Variants in DLC1 observed in about 807,000 individuals in gnomAD.
DLC1 encodes rho GTPase-activating protein 7.
A neutral mutation model predicts 140.3 loss-of-function variants in DLC1; 54 were observed. The ratio of observed to expected loss-of-function variants is 0.38; its 90% CI spans 0.31 to 0.48. DLC1 has a LOEUF of 0.48. Among genes scored for constraint, DLC1 ranks in the 20% least tolerant of loss-of-function variants. The probability of loss-of-function intolerance (pLI) is 0.96; values close to 1 mark genes in which losing one functional copy is unlikely to be tolerated. For synonymous variants in DLC1, 986 were observed against 728.1 expected, an observed-to-expected ratio of 1.35 and a Z score of -5.70; for missense variants, 2,536 against 1,907.0, an observed-to-expected ratio of 1.33 and a Z score of -6.14.
chr8:13,414,272 T>A (rs969561993), intron 2 of DLC1, among the ~76,000 whole-genome samples: 27 of 152,228 alleles, frequency 1.8e-4, no homozygotes, highest in African/African-American at 6.5e-4. Flanking sequence ...TATGAAAAGA[T>A]GCCCATATAT....
chr8:13,161,250 G>A (rs7016467), intron 5 of DLC1, among the ~76,000 whole-genome samples: 1 of 152,040 alleles, frequency 6.6e-6, no homozygotes, highest in African/African-American at 2.4e-5. Flanking sequence ...AGCATAGTAA[G>A]TGCGACCACA....
chr8:13,547,619 C>T (rs1803697115), intron 1 of DLC1, among the ~76,000 whole-genome samples: 1 of 152,062 alleles, frequency 6.6e-6, no homozygotes, highest in Non-Finnish European at 1.5e-5. Context: ...GCAGCAGAGA[C>T]AAACACAGTT....
chr8:13,529,400 A>T (rs1031975), intron 1 of DLC1, among the ~76,000 whole-genome samples: 55 of 152,274 alleles, frequency 3.6e-4, no homozygotes, highest in African/African-American at 1.3e-3. Flanking sequence ...TCATTTCAAC[A>T]TTTTCCCCCA....
intron 2 of DLC1, among the ~76,000 whole-genome samples, chr8:13,464,904 T>C (rs1380240214): frequency 6.6e-6 from 1 of 151,830 alleles, no homozygotes. Flanking sequence ...TACTACTATT[T>C]ATATCAATAT....
chr8:13,515,098 A>G (rs1159443685), upstream of DLC1, among the ~76,000 whole-genome samples: 1 of 152,128 alleles, frequency 6.6e-6, no homozygotes, highest in Non-Finnish European at 1.5e-5. Context: ...CTGCTTATGA[A>G]AAAAGAAAGA....
At position 13,487,070 on chromosome 8, in the gene DLC1, C is replaced by G. The variant is rs547260302; in HGVS notation, c.1023+11979G>C. Among the ~76,000 whole-genome samples, 18 of 152,256 alleles carry G rather than the reference C, an allele frequency of 1.2e-4. 1 individual carries two copies. Among genetic ancestry groups the G allele is most frequent in the African/African-American group, 3.6e-4 (15 of 41,564 alleles). Reference sequence around the variant, plus strand: ...CTGCTGCGGTTTCCTTTTGGAAGTCCTTTGGAAATGTGGAATCAGAGCACA... The same window carrying G: ...CTGCTGCGGTTTCCTTTTGGAAGTCGTTTGGAAATGTGGAATCAGAGCACA... On this transcript the variant is annotated intron_variant, in intron 2 of 17. Transcript: ENST00000276297.
rs1265823414 is a variant in DLC1, at chr8:13,325,613, A to G, written c.1315-20311T>C. On this transcript the variant is annotated intron_variant, in intron 4 of 17. Coordinates refer to ENST00000276297, the MANE Select transcript of DLC1 (RefSeq NM_182643.3). ...GTCCAAGAACAAGTCTCAGTCAACCATGGGTCTTTCATGTAAAGACCAACC... is the reference window on the plus strand; with the variant it reads ...GTCCAAGAACAAGTCTCAGTCAACCGTGGGTCTTTCATGTAAAGACCAACC... 2.0e-5 allele frequency among the ~76,000 whole-genome samples: 3 copies of G among 152,206 alleles called. No individual in the cohort carries two copies. In the East Asian group the frequency reaches 5.8e-4, roughly 29 times the overall value.
rs537063100 is a variant in DLC1, at chr8:13,534,721, A to T, written c.-125-34525T>A. On this transcript the variant is annotated intron_variant, in intron 1 of 1. Transcript: ENST00000631382. ...CCAGAGCCAGCTGCTGTCAATTCTG[A>T]AGCCACTACCTTCTGAGTAGCTGAA... 9.9e-4 allele frequency among the ~76,000 whole-genome samples: 151 copies of T among 152,302 alleles called. 1 individual carries two copies. Among genetic ancestry groups the T allele is most frequent in the South Asian group, 3.7e-3 (18 of 4,824 alleles).
intron 2 of DLC1, among the ~76,000 whole-genome samples, chr8:13,489,653 A>G (rs1221502874): frequency 6.6e-6 from 1 of 152,054 alleles, no homozygotes; most frequent in East Asian, 1.9e-4. Flanking sequence ...TGAGGGAAGC[A>G]GGACTGAAAC....
intron 4 of DLC1, among the ~76,000 whole-genome samples, chr8:13,361,758 A>G (rs1305850502): frequency 1.3e-5 from 2 of 152,184 alleles, no homozygotes; most frequent in African/African-American, 4.8e-5. Context: ...TAGGGTAAGA[A>G]AAAGTAGAAT....
chr8:13,353,993 T>C (rs1297889431), intron 4 of DLC1, among the ~76,000 whole-genome samples: 1 of 152,194 alleles, frequency 6.6e-6, no homozygotes, highest in Non-Finnish European at 1.5e-5. Flanking sequence ...GTCCACTGAC[T>C]TTCTTCACAT....
chr8:13,487,642 C>T (rs988985608), intron 2 of DLC1, among the ~76,000 whole-genome samples: 9 of 149,980 alleles, frequency 6.0e-5, no homozygotes, highest in Non-Finnish European at 1.0e-4. Context: ...GGCGTGAGTT[C>T]GGCTCACTGC....
chr8:13,276,056 A>G (rs1419072595), intron 5 of DLC1, among the ~76,000 whole-genome samples: 2 of 152,234 alleles, frequency 1.3e-5, no homozygotes, highest in Non-Finnish European at 2.9e-5. Context: ...GCGGCGTTAC[A>G]CAAAACAAAC....
intron 1 of DLC1, among the ~76,000 whole-genome samples, chr8:13,547,457 G>A (rs1184082627): frequency 2.0e-5 from 3 of 152,078 alleles, no homozygotes; most frequent in Admixed American, 6.6e-5. Flanking sequence ...ACCCAACACA[G>A]TCTATAACCA....
intron 1 of DLC1, among the ~76,000 whole-genome samples, chr8:13,600,199 C>G (rs781493125): frequency 6.6e-6 from 1 of 151,862 alleles, no homozygotes; most frequent in African/African-American, 2.4e-5. Flanking sequence ...TTGATTTAAG[C>G]TAGTGCACTA....
At chr8:13,232,196 G>A (rs1196809750) in intron 5 of DLC1, among the ~76,000 whole-genome samples, 1 of 152,148 alleles carries the variant, frequency 6.6e-6, no homozygotes, top group Non-Finnish European at 1.5e-5. Flanking sequence ...TGGGGGAATA[G>A]ACAGCTGTCT....
chr8:13,182,874 A>T (rs917577031), intron 5 of DLC1, among the ~76,000 whole-genome samples: 1 of 152,156 alleles, frequency 6.6e-6, no homozygotes, highest in African/African-American at 2.4e-5. Context: ...TGGTAGCTTG[A>T]TGGGGATGCC....
intron 5 of DLC1, among the ~76,000 whole-genome samples, chr8:13,183,109 G>C (rs1826135840): frequency 6.6e-6 from 1 of 152,022 alleles, no homozygotes; most frequent in African/African-American, 2.4e-5. Flanking sequence ...CTAGTGATTT[G>C]GCTCTCTGTC....
chr8:13,579,778 A>G (rs35247319), intron 1 of DLC1, among the ~76,000 whole-genome samples: 34,109 of 151,090 alleles, frequency 0.23, 4,093 homozygotes, highest in Non-Finnish European at 0.25. Context: ...GTAGTGTCCT[A>G]GTGAGCCCAC....
Sources: allele counts gnomAD v4.1 joint callset (sites outside exome capture counted in the v4.1 genomes callset), GRCh38; gene constraint gnomAD v4.1.1; transcripts MANE v1.5; gene names NCBI Gene and HGNC (gene_info 2026-07-23, HGNC 2026-07-21).